The following BPIFC variants were observed in gnomAD, a reference collection of about 807,000 sequenced individuals.
BPIFC encodes BPI fold containing family C.
BPIFC carries 60 observed loss-of-function variants against 57.6 expected under a neutral mutation model. The ratio of observed to expected loss-of-function variants is 1.04; its 90% CI spans 0.85 to 1.29. The LOEUF (loss-of-function observed/expected upper bound fraction) is 1.29, where lower values mean the gene tolerates loss of function less well. Ranked by LOEUF, BPIFC falls within the 50% of genes most tolerant of loss-of-function variation. The pLI, the probability that BPIFC is intolerant of heterozygous loss-of-function variation, is 0.00. For synonymous variants in BPIFC, 243 were observed against 224.5 expected (o/e 1.08, Z -0.74); for missense variants, 581 against 600.5 (o/e 0.97, Z 0.34).
chr22:32,433,434 C>T (rs1471958626), intron 11 of BPIFC, among the ~76,000 whole-genome samples: 1 of 150,714 alleles, frequency 6.6e-6, no homozygotes, highest in African/African-American at 2.4e-5. Context: ...TTCATTTCCA[C>T]TAATAAATCC....
intron 13 of BPIFC, among the ~76,000 whole-genome samples, chr22:32,429,316 C>G (rs1469457421): frequency 1.3e-5 from 2 of 148,160 alleles, no homozygotes; most frequent in Non-Finnish European, 3.0e-5. Flanking sequence ...ACGCCATTGT[C>G]TTGCCTCAGC....
intron 3 of BPIFC, among the ~76,000 whole-genome samples, chr22:32,456,388 T>TCTCC (rs546388758): frequency 6.6e-6 from 1 of 151,370 alleles, no homozygotes; most frequent in Admixed American, 6.6e-5. Context: ...TTCTTCCCTC[T>TCTCC]CTCCCTCCCT....
rs1021282200 is a variant in BPIFC at position 32,452,092 on chromosome 22, G to A, written c.245+1291C>T. Among the ~76,000 whole-genome samples, 3 of 151,962 alleles carry A rather than the reference G, an allele frequency of 2.0e-5. No individual in the cohort carries two copies. In the East Asian group the frequency reaches 5.8e-4, roughly 30 times the overall value. On this transcript the variant is annotated intron_variant, in intron 4 of 16. Coordinates refer to ENST00000300399, the MANE Select transcript of BPIFC (RefSeq NM_174932.3). ...ATTTTTTGTATTTTTGGTAGAGATG[G>A]GTTTTCGTCATGTTGCCCAGGCTGG...
At chr22:32,418,153 TG>T in intron 14 of BPIFC, among the ~76,000 whole-genome samples, 1 of 152,350 alleles carries the variant, frequency 6.6e-6, no homozygotes, top group Admixed American at 6.5e-5. Flanking sequence ...GCCTTCTATG[TG>T]GTCAGTGTGC....
At chr22:32,418,853 T>C (rs1034484405) in intron 14 of BPIFC, among the ~76,000 whole-genome samples, 1 of 152,140 alleles carries the variant, frequency 6.6e-6, no homozygotes, top group Admixed American at 6.5e-5. Context: ...CCAAGTCACA[T>C]GTTGGGGTAT....
At chr22:32,425,126 G>A (rs537300121) in intron 13 of BPIFC, among the ~76,000 whole-genome samples, 1 of 152,220 alleles carries the variant, frequency 6.6e-6, no homozygotes, top group African/African-American at 2.4e-5. Context: ...ATCAAAGGCA[G>A]TATACTGTGG....
At chr22:32,442,868 A>T in intron 7 of BPIFC, 137 bp from the exon 8 acceptor site, 2 of 801,330 alleles carry the variant, frequency 2.5e-6, no homozygotes, top group Non-Finnish European at 2.0e-6. Flanking sequence ...ACATTCTCTT[A>T]AATTTGTTGA....
chr22:32,446,899 G>A, intron 5 of BPIFC: 2 of 740,532 alleles, frequency 2.7e-6, no homozygotes, highest in Non-Finnish European at 3.3e-6. Context: ...TCAAGATCAT[G>A]CAGTGATTTG....
At position 32,423,577 on chromosome 22, in the gene BPIFC, G is replaced by GGTGTGTGTGTGTGTGT. The variant is rs369571670; in HGVS notation, c.1218-4189_1218-4174dup. Among the ~76,000 whole-genome samples, 563 of 143,252 alleles carry GGTGTGTGTGTGTGTGT rather than the reference G, an allele frequency of 3.9e-3. 5 individuals are homozygous for GGTGTGTGTGTGTGTGT. The highest frequency in any genetic ancestry group is 0.014 in the African/African-American group (516 of 37,448). 94.0% of individuals were successfully genotyped at this position (143,252 alleles called of 152,430 possible). On this transcript the variant is annotated intron_variant, in intron 13 of 16. Transcript: ENST00000300399. ...TGCTTGGGAGGAGTTGTAGGGTGTG[G>GGTGTGTGTGTGTGTGT]GTGTGTGTGTGTGTGTGTGTGTGTG...
intron 13 of BPIFC, among the ~76,000 whole-genome samples, chr22:32,425,661 C>T (rs117167553): frequency 0.018 from 2,801 of 152,162 alleles, 33 homozygotes; most frequent in African/African-American, 0.033. Flanking sequence ...CTATTAGGTC[C>T]CGTGCCAAGC....
At chr22:32,444,894 G>A (rs1282819742) in intron 7 of BPIFC, among the ~76,000 whole-genome samples, 1 of 152,098 alleles carries the variant, frequency 6.6e-6, no homozygotes, top group Non-Finnish European at 1.5e-5. Context: ...CTAAATTCAA[G>A]TACTCAGTTA....
Position 32,450,137 on chromosome 22 carries a change from CACACAT to C in BPIFC, c.246-2803_246-2798del, listed in dbSNP as rs1189950446. Among the ~76,000 whole-genome samples the C allele has an allele frequency of 1.1e-3, 84 of 79,346 alleles. 1 individual carries two copies. The South Asian group carries it at 0.021, about 20-fold the overall frequency. 52.1% of individuals were successfully genotyped at this position (79,346 alleles called of 152,430 possible). On this transcript the variant is annotated intron_variant, in intron 4 of 16. Transcript: ENST00000300399. ...ACACACACACACACACACACACACA[CACACAT>C]ATATACACATATATACACACATATA...
chr22:32,431,793 T>TA (rs1011207393), intron 12 of BPIFC, among the ~76,000 whole-genome samples: 7 of 151,014 alleles, frequency 4.6e-5, no homozygotes, highest in East Asian at 3.9e-4. Context: ...TTATTTAGAT[T>TA]AAAAAAAAAG....
At chr22:32,431,515 C>A in intron 12 of BPIFC, 101 bp from the exon 13 acceptor site, 1 of 793,246 alleles carries the variant, frequency 1.3e-6, no homozygotes, top group South Asian at 1.6e-5. Context: ...CAACATTCCC[C>A]CTTAGTGTAA....
At chr22:32,424,609 C>T (rs199652966) in intron 13 of BPIFC, among the ~76,000 whole-genome samples, 999 of 40,858 alleles carry the variant, frequency 0.024, 127 homozygotes, top group African/African-American at 0.078. Context: ...TTCTCCTCCT[C>T]CTCCTCCTCC....
chr22:32,433,691 T>C (rs370088977), intron 11 of BPIFC, 28 bp downstream of exon 11: 50 of 1,607,178 alleles, frequency 3.1e-5, no homozygotes, highest in Non-Finnish European at 4.1e-5. Flanking sequence ...CCAAATACAC[T>C]ATCAAGACTC....
intron 7 of BPIFC, among the ~76,000 whole-genome samples, chr22:32,444,562 G>A (rs1406126276): frequency 6.6e-6 from 1 of 152,072 alleles, no homozygotes; most frequent in Non-Finnish European, 1.5e-5. Context: ...GGGAAGGTGT[G>A]GTCATTATTG....
At chr22:32,415,472 G>C (rs1052065695) in intron 16 of BPIFC, among the ~76,000 whole-genome samples, 1 of 152,192 alleles carries the variant, frequency 6.6e-6, no homozygotes, top group Admixed American at 6.5e-5. Context: ...GAACTCAAAG[G>C]TGTGTGCCTT....
intron 2 of BPIFC, among the ~76,000 whole-genome samples, chr22:32,459,683 TA>T (rs904128146): frequency 1.1e-3 from 151 of 141,366 alleles, no homozygotes; most frequent in African/African-American, 3.0e-3. Context: ...AAATAAAAAT[TA>T]AAAAAAAAAC....
Sources: gnomAD v4.1 joint callset for allele counts (sites outside exome capture counted in the v4.1 genomes callset) on GRCh38, gnomAD v4.1.1 for gene constraint, MANE v1.5 for transcripts, NCBI Gene and HGNC (gene_info 2026-07-23, HGNC 2026-07-21) for gene names.